Variants in RARB observed in about 807,000 individuals in gnomAD.
RARB encodes the protein retinoic acid receptor beta.
In RARB, 17 loss-of-function variants were observed where a neutral mutation model predicts 51.9. The observed-to-expected ratio is 0.33, with a 90% CI of 0.22 to 0.49. The LOEUF is 0.49. Ranked by LOEUF, RARB falls within the 20% of genes least tolerant of loss-of-function variation. RARB has a pLI of 0.99. For missense variants in RARB, 369 were observed against 550.8 expected, an observed-to-expected ratio of 0.67 and a Z score of 3.30; for synonymous variants, 215 against 195.4, an observed-to-expected ratio of 1.10 and a Z score of -0.84.
intron 5 of RARB, among the ~76,000 whole-genome samples, chr3:25,240,386 A>G (rs1229499185): frequency 6.6e-6 from 1 of 152,124 alleles, no homozygotes; most frequent in Non-Finnish European, 1.5e-5. Flanking sequence ...TGGTGAAAGT[A>G]TGCATCCTTG....
chr3:24,880,995 C>T (rs1307123891), intron 2 of RARB, among the ~76,000 whole-genome samples: 1 of 151,918 alleles, frequency 6.6e-6, no homozygotes, highest in South Asian at 2.1e-4. Flanking sequence ...AATGGTAATC[C>T]CTGTGTGTCA....
intron 2 of RARB, among the ~76,000 whole-genome samples, chr3:24,982,407 T>A (rs1320133643): frequency 1.3e-5 from 2 of 152,144 alleles, no homozygotes; most frequent in African/African-American, 2.4e-5. Context: ...CCACAGCTGG[T>A]TTAGGAAAGC....
intron 3 of RARB, among the ~76,000 whole-genome samples, chr3:25,535,882 G>T (rs1699120337): frequency 6.6e-6 from 1 of 152,134 alleles, no homozygotes; most frequent in Non-Finnish European, 1.5e-5. Flanking sequence ...TGTTATCAGG[G>T]TCTTAAATGC....
intron 1 of RARB, among the ~76,000 whole-genome samples, chr3:25,442,927 A>G (rs904981366): frequency 1.1e-4 from 16 of 152,092 alleles, no homozygotes; most frequent in African/African-American, 3.9e-4. Flanking sequence ...AACATTTTCA[A>G]GCTTTCAACT....
chr3:25,432,223 A>G (rs552269392), intron 1 of RARB, among the ~76,000 whole-genome samples: 30 of 152,300 alleles, frequency 2.0e-4, no homozygotes, highest in Admixed American at 1.4e-3. Flanking sequence ...AAGAAATCAT[A>G]TTGTGAATAT....
intron 5 of RARB, among the ~76,000 whole-genome samples, chr3:25,219,561 G>A (rs1400722963): frequency 6.6e-6 from 1 of 152,134 alleles, no homozygotes; most frequent in African/African-American, 2.4e-5. Context: ...GAGTGGGGAG[G>A]GAAGTGCCTG....
intron 2 of RARB, among the ~76,000 whole-genome samples, chr3:25,009,944 C>G (rs1697358284): frequency 1.3e-5 from 2 of 152,218 alleles, no homozygotes; most frequent in South Asian, 4.1e-4. Flanking sequence ...GCACTGACGT[C>G]AAAGCTGTTT....
At chr3:24,970,967 A>G (rs1039677279) in intron 2 of RARB, among the ~76,000 whole-genome samples, 4 of 151,882 alleles carry the variant, frequency 2.6e-5, no homozygotes, top group Non-Finnish European at 5.9e-5. Flanking sequence ...CTTTCAACTA[A>G]CTGCTCACCC....
At chr3:25,187,551 G>A (rs1411415654) in intron 5 of RARB, among the ~76,000 whole-genome samples, 1 of 151,856 alleles carries the variant, frequency 6.6e-6, no homozygotes, top group Non-Finnish European at 1.5e-5. Flanking sequence ...AGAGACAGGA[G>A]AAAGGGAAAG....
chr3:25,347,531 A>T (rs1705431011), intron 5 of RARB, among the ~76,000 whole-genome samples: 1 of 152,184 alleles, frequency 6.6e-6, no homozygotes, highest in Non-Finnish European at 1.5e-5. Flanking sequence ...TCTCTATCTT[A>T]TTATTACTTT....
At chr3:24,896,154 A>G (rs1703475315) in intron 2 of RARB, among the ~76,000 whole-genome samples, 1 of 152,222 alleles carries the variant, frequency 6.6e-6, no homozygotes, top group Non-Finnish European at 1.5e-5. Context: ...GCAACCTGGA[A>G]TTGTGAAAAT....
At chr3:25,332,892 A>G (rs1463108514) in intron 5 of RARB, among the ~76,000 whole-genome samples, 1 of 152,192 alleles carries the variant, frequency 6.6e-6, no homozygotes, top group African/African-American at 2.4e-5. Context: ...ACAAACAAAC[A>G]GAGAGCCAAA....
chr3:25,011,487 G>A (rs995693380), intron 2 of RARB, among the ~76,000 whole-genome samples: 9 of 152,076 alleles, frequency 5.9e-5, no homozygotes, highest in African/African-American at 1.7e-4. Context: ...GCTATATTTA[G>A]TTAGGAATTA....
intron 7 of RARB, 141 bp from the exon 8 acceptor site, chr3:25,596,279 C>T: frequency 3.2e-6 from 2 of 629,268 alleles, no homozygotes; most frequent in Admixed American, 6.0e-5. Context: ...AACAAAAAGC[C>T]ACCTGATATC....
intron 5 of RARB, among the ~76,000 whole-genome samples, chr3:25,329,740 C>A (rs1704834958): frequency 6.6e-6 from 1 of 152,066 alleles, no homozygotes; most frequent in Non-Finnish European, 1.5e-5. Flanking sequence ...ATGTTGAAAC[C>A]CATCGCAAAG....
chr3:25,347,415 C>T (rs1240410998), intron 5 of RARB, among the ~76,000 whole-genome samples: 1 of 152,136 alleles, frequency 6.6e-6, no homozygotes, highest in Non-Finnish European at 1.5e-5. Context: ...TAGTCATTGC[C>T]ACTCACCTAA....
chr3:25,403,236 A>G (rs1388893991), intron 5 of RARB, among the ~76,000 whole-genome samples: 1 of 152,040 alleles, frequency 6.6e-6, no homozygotes, highest in Non-Finnish European at 1.5e-5. Flanking sequence ...TAATAACTCC[A>G]TTGTACATTT....
At chr3:24,903,064 T>G (rs7617167) in intron 2 of RARB, among the ~76,000 whole-genome samples, 35,339 of 152,052 alleles carry the variant, frequency 0.23, 4,675 homozygotes, top group African/African-American at 0.36. Flanking sequence ...TTTGACATGC[T>G]TTCAAATTTT....
chr3:24,881,201 C>T (rs1241496531), intron 2 of RARB, among the ~76,000 whole-genome samples: 2 of 152,242 alleles, frequency 1.3e-5, no homozygotes, highest in Middle Eastern at 3.2e-3. Context: ...TTACAAGTTT[C>T]CTGAGGCTTC....
Sources: gnomAD v4.1 joint callset for allele counts (sites outside exome capture counted in the v4.1 genomes callset) on GRCh38, gnomAD v4.1.1 for gene constraint, MANE v1.5 for transcripts, NCBI Gene and HGNC (gene_info 2026-07-23, HGNC 2026-07-21) for gene names.